GABRB3: variants seen among roughly 807,000 people sequenced by gnomAD.
GABRB3 encodes the protein gamma-aminobutyric acid receptor subunit beta-3.
GABRB3 carries 14 observed loss-of-function variants against 52.1 expected under a neutral mutation model. The ratio of observed to expected loss-of-function variants is 0.27; its 90% CI spans 0.18 to 0.42. The LOEUF (loss-of-function observed/expected upper bound fraction) is 0.42. Among genes scored for constraint, GABRB3 ranks in the 10% least tolerant of loss-of-function variants. The pLI is 1.00. For missense variants in GABRB3, 307 were observed against 609.1 expected (o/e 0.50, Z 5.22); for synonymous variants, 260 against 232.3 (o/e 1.12, Z -1.08).
At position 26,646,913 on chromosome 15, in the gene GABRB3, G is replaced by A. The variant is rs551963630; in HGVS notation, c.241-25379C>T. On this transcript the variant is annotated intron_variant, in intron 3 of 8. Coordinates refer to ENST00000311550, the MANE Select transcript of GABRB3 (RefSeq NM_000814.6). Reference sequence around the variant, plus strand: ...GGCTGGAGTGCAGTGGTGCGATCTCGGCTCACTGCAAGGTCCGCCTCCCGG... The same window carrying A: ...GGCTGGAGTGCAGTGGTGCGATCTCAGCTCACTGCAAGGTCCGCCTCCCGG... Among the ~76,000 whole-genome samples the A allele has an allele frequency of 7.2e-5, 11 of 152,150 alleles. No individual in the cohort carries two copies. The South Asian group carries it at 8.3e-4, about 12-fold the overall frequency.
At chr15:26,571,831 C>T (rs1302874187) in intron 6 of GABRB3, among the ~76,000 whole-genome samples, 9 of 151,934 alleles carry the variant, frequency 5.9e-5, no homozygotes, top group South Asian at 2.1e-4. Flanking sequence ...AGGTGAATCG[C>T]GAGGTCAAGA....
intron 3 of GABRB3, among the ~76,000 whole-genome samples, chr15:26,626,572 C>G (rs1391920433): frequency 6.6e-6 from 1 of 152,190 alleles, no homozygotes; most frequent in Non-Finnish European, 1.5e-5. Context: ...AAGTGCTACT[C>G]TGGGGAATGA....
intron 6 of GABRB3, among the ~76,000 whole-genome samples, chr15:26,577,961 A>AT (rs1890652481): frequency 6.6e-6 from 1 of 152,080 alleles, no homozygotes; most frequent in South Asian, 2.1e-4. Context: ...TAAATCTTTT[A>AT]TTTTTTATAG....
At chr15:26,588,111 G>A (rs899999988) in intron 4 of GABRB3, among the ~76,000 whole-genome samples, 1 of 152,160 alleles carries the variant, frequency 6.6e-6, no homozygotes, top group Non-Finnish European at 1.5e-5. Context: ...ATGGCCAAGT[G>A]ACAGAAGACA....
rs1371560259 is a variant in GABRB3 at position 26,773,010 on chromosome 15, G to T, written c.-48C>A. ...GGGGAGGGGGCGCCCCGCCGCCGTCGCGACCCGCAGCCGGGGCTGCTCCTG... is the reference window on the plus strand; with the variant it reads ...GGGGAGGGGGCGCCCCGCCGCCGTCTCGACCCGCAGCCGGGGCTGCTCCTG... On this transcript the variant is annotated 5_prime_UTR_variant, in exon 1 of 9. Transcript: ENST00000311550. The T allele has an allele frequency of 7.7e-7, 1 of 1,295,164 alleles. No homozygotes were observed. The highest frequency in any genetic ancestry group is 1.9e-5 in the South Asian group (1 of 53,106). The allele number at this position is 1,295,164 out of a possible 1,614,324, so 80.2% of individuals were successfully genotyped here. A position where few individuals can be genotyped will look rare whatever the true frequency, so the allele number is the denominator to read the frequency against.
At chr15:26,688,994 A>G (rs1014079599) in intron 3 of GABRB3, among the ~76,000 whole-genome samples, 17 of 152,228 alleles carry the variant, frequency 1.1e-4, no homozygotes, top group African/African-American at 4.1e-4. Flanking sequence ...TCTCTTTTAA[A>G]AGGTTCACAG....
chr15:26,712,845 G>C (rs1185290582), intron 3 of GABRB3, among the ~76,000 whole-genome samples: 1 of 152,196 alleles, frequency 6.6e-6, no homozygotes, highest in Non-Finnish European at 1.5e-5. Flanking sequence ...GGCCGGAGCA[G>C]AGGCTGAGGA....
At chr15:26,554,190 A>ATATATATATATATATATAT (rs1567097853) in intron 8 of GABRB3, among the ~76,000 whole-genome samples, 2 of 31,526 alleles carry the variant, frequency 6.3e-5, no homozygotes, top group Non-Finnish European at 1.3e-4. Context: ...ATATATATAT[A>ATATATATATATATATATAT]CTATATATAT....
At chr15:26,563,768 A>G (rs938011242) in intron 7 of GABRB3, among the ~76,000 whole-genome samples, 26 of 152,202 alleles carry the variant, frequency 1.7e-4, no homozygotes, top group African/African-American at 6.3e-4. Flanking sequence ...GCAGTACAGG[A>G]AATGGCTGGG....
intron 3 of GABRB3, among the ~76,000 whole-genome samples, chr15:26,714,084 A>C (rs1448918373): frequency 1.3e-5 from 2 of 152,230 alleles, no homozygotes; most frequent in African/African-American, 4.8e-5. Flanking sequence ...ACTGCATTCA[A>C]ACACACAGAA....
At chr15:26,771,313 T>C (rs1439881206) in intron 3 of GABRB3, among the ~76,000 whole-genome samples, 1 of 152,172 alleles carries the variant, frequency 6.6e-6, no homozygotes, top group Non-Finnish European at 1.5e-5. Context: ...CAGCCTATCT[T>C]GATCAGAATC....
intron 5 of GABRB3, among the ~76,000 whole-genome samples, chr15:26,582,550 G>A (rs1015681694): frequency 1.3e-5 from 2 of 151,422 alleles, no homozygotes; most frequent in Non-Finnish European, 2.9e-5. Flanking sequence ...GTGGAAGTGA[G>A]GGGCACCATG....
At chr15:26,752,720 T>A (rs928538132) in intron 3 of GABRB3, among the ~76,000 whole-genome samples, 4 of 152,110 alleles carry the variant, frequency 2.6e-5, no homozygotes, top group Admixed American at 6.5e-5. Flanking sequence ...ATCCTTAGCA[T>A]TTTTTGTGGT....
At chr15:26,658,471 T>G (rs558519582) in intron 3 of GABRB3, 1 of 152,314 alleles carries the variant, frequency 6.6e-6, no homozygotes, top group South Asian at 2.1e-4. Context: ...ATGTACATAC[T>G]CCAGCCCATA....
At chr15:26,705,012 A>C (rs1889053721) in intron 3 of GABRB3, among the ~76,000 whole-genome samples, 1 of 152,024 alleles carries the variant, frequency 6.6e-6, no homozygotes, top group Non-Finnish European at 1.5e-5. Flanking sequence ...TCCCACTTCT[A>C]CGTTTTTTGG....
intron 3 of GABRB3, among the ~76,000 whole-genome samples, chr15:26,683,676 T>G (rs544794595): frequency 1.3e-5 from 2 of 152,140 alleles, no homozygotes; most frequent in African/African-American, 4.8e-5. Context: ...AGTTTAGACC[T>G]GAAAAACGCT....
At chr15:26,683,483 GT>G (rs1888303442) in intron 3 of GABRB3, among the ~76,000 whole-genome samples, 1 of 152,174 alleles carries the variant, frequency 6.6e-6, no homozygotes, top group Non-Finnish European at 1.5e-5. Context: ...CTGATATAAG[GT>G]AAATGCTTTA....
intron 7 of GABRB3, among the ~76,000 whole-genome samples, chr15:26,564,222 AT>A (rs1297585590): frequency 6.6e-6 from 1 of 152,168 alleles, no homozygotes; most frequent in Non-Finnish European, 1.5e-5. Context: ...AAAAAATCTG[AT>A]TTTCAAAACA....
At chr15:26,655,539 G>A (rs1038783042) in intron 3 of GABRB3, among the ~76,000 whole-genome samples, 2 of 151,994 alleles carry the variant, frequency 1.3e-5, no homozygotes, top group South Asian at 2.1e-4. Context: ...TCAGGAGATC[G>A]AGACCATCCT....
Sources: gnomAD v4.1 joint callset for allele counts (sites outside exome capture counted in the v4.1 genomes callset) on GRCh38, gnomAD v4.1.1 for gene constraint, MANE v1.5 for transcripts, NCBI Gene and HGNC (gene_info 2026-07-23, HGNC 2026-07-21) for gene names.